FRAS1: variants seen among roughly 807,000 people sequenced by gnomAD.
The protein encoded by FRAS1 is Fraser extracellular matrix complex subunit 1.
A neutral mutation model predicts 435.2 loss-of-function variants in FRAS1; 290 were observed. The ratio of observed to expected loss-of-function variants is 0.67; its 90% CI spans 0.61 to 0.73. The LOEUF (loss-of-function observed/expected upper bound fraction) is 0.73, where lower values mean the gene tolerates loss of function less well. FRAS1 is among the 30% of genes least tolerant of loss of function. The pLI, the probability that FRAS1 is intolerant of heterozygous loss-of-function variation, is 0.00. For missense variants in FRAS1, 4,860 were observed against 5,001.5 expected (o/e 0.97, Z 0.85); for synonymous variants, 1,800 against 1,851.0 (o/e 0.97, Z 0.71).
At chr4:78,455,890 TG>T (rs1719178586) in intron 47 of FRAS1, among the ~76,000 whole-genome samples, 1 of 152,198 alleles carries the variant, frequency 6.6e-6, no homozygotes, top group Non-Finnish European at 1.5e-5. Flanking sequence ...GAAGCTAAGC[TG>T]CTGGACCAAG....
At chr4:78,103,455 G>T (rs1742233535) in intron 2 of FRAS1, among the ~76,000 whole-genome samples, 1 of 152,126 alleles carries the variant, frequency 6.6e-6, no homozygotes, top group African/African-American at 2.4e-5. Context: ...GTGGAGGTAG[G>T]GATCTGGGGA....
intron 2 of FRAS1, among the ~76,000 whole-genome samples, chr4:78,185,773 C>A (rs2110057522): frequency 6.6e-6 from 1 of 152,306 alleles, no homozygotes; most frequent in Non-Finnish European, 1.5e-5. Flanking sequence ...TCTTGAAAAT[C>A]ATCAACCTTG....
At chr4:78,125,792 A>G (rs1054295873) in intron 2 of FRAS1, among the ~76,000 whole-genome samples, 2 of 152,166 alleles carry the variant, frequency 1.3e-5, no homozygotes, top group Non-Finnish European at 2.9e-5. Flanking sequence ...GATGTCTGTC[A>G]GCCCCTACTG....
In FRAS1 at chr4:78,173,603, C is replaced by G. The variant is rs143145427; in HGVS notation, c.109-63907C>G. Among the ~76,000 whole-genome samples the G allele has an allele frequency of 8.5e-4, 129 of 152,324 alleles. No homozygotes were observed. In the Middle Eastern group the frequency reaches 0.01, roughly 12 times the overall value. On this transcript the variant is annotated intron_variant, in intron 2 of 73. Coordinates refer to ENST00000512123, the MANE Select transcript of FRAS1 (RefSeq NM_025074.7). Reference sequence around the variant, plus strand: ...GCATCTTGGAATTGAAACTGAGAAGCAAAATATCTTTTCCAGTTATTTCAT... The same window carrying G: ...GCATCTTGGAATTGAAACTGAGAAGGAAAATATCTTTTCCAGTTATTTCAT...
intron 3 of FRAS1, among the ~76,000 whole-genome samples, chr4:78,243,544 A>G (rs1725100126): frequency 6.6e-6 from 1 of 151,954 alleles, no homozygotes; most frequent in Non-Finnish European, 1.5e-5. Flanking sequence ...AAGCACCCAC[A>G]TGCAAAATTT....
At chr4:78,380,527 C>T (rs1731972369) in intron 27 of FRAS1, among the ~76,000 whole-genome samples, 2 of 152,200 alleles carry the variant, frequency 1.3e-5, no homozygotes, top group African/African-American at 4.8e-5. Flanking sequence ...TTCTGGCTGC[C>T]TTCCCCACCC....
Position 78,282,993 on chromosome 4 carries a change from A to G in FRAS1, c.1255+26A>G, listed in dbSNP as rs149509947. 168 of 1,413,724 alleles carry G rather than the reference A, an allele frequency of 1.2e-4. 1 individual carries two copies. In the Middle Eastern group the frequency reaches 4.9e-3, roughly 41 times the overall value. 87.6% of individuals were successfully genotyped at this position (1,413,724 alleles called of 1,614,324 possible). ...GTGGGTCCATGTCTCCTCTGTTTCT[A>G]CTGAGATAGTTTTACTGCCAAAAAG... On this transcript the variant is annotated intron_variant, in intron 12 of 73. Transcript: ENST00000512123.
chr4:78,249,064 CATATATATAT>C (rs200267733), intron 4 of FRAS1, among the ~76,000 whole-genome samples: 1 of 16,620 alleles, frequency 6.0e-5, no homozygotes, highest in Admixed American at 1.1e-3. Flanking sequence ...TATATATATG[CATATATATAT>C]ATATATATAT....
At chr4:78,117,723 C>A (rs1242070954) in intron 2 of FRAS1, among the ~76,000 whole-genome samples, 1 of 152,214 alleles carries the variant, frequency 6.6e-6, no homozygotes, top group African/African-American at 2.4e-5. Context: ...TCTAGTTAGC[C>A]ATTCATCTAA....
At chr4:78,326,765 A>G (rs1729734438) in intron 18 of FRAS1, among the ~76,000 whole-genome samples, 1 of 152,178 alleles carries the variant, frequency 6.6e-6, no homozygotes, top group African/African-American at 2.4e-5. Context: ...GGAAGCTTCA[A>G]TATTTATGAG....
intron 58 of FRAS1, among the ~76,000 whole-genome samples, chr4:78,484,095 C>G (rs1206105320): frequency 6.6e-6 from 1 of 152,036 alleles, no homozygotes; most frequent in African/African-American, 2.4e-5. Context: ...AATCTGTTTT[C>G]TGGCCCTAAA....
chr4:78,522,683 A>T lies in FRAS1; in HGVS notation c.10683A>T (p.Glu3561Asp), dbSNP rs931605. The change falls in exon 69 of 74, where the codon GAA becomes GAT. Residue 3561 changes from glutamate to aspartate, a missense_variant. Physicochemically the swap from Glu to Asp is conservative, Grantham distance 45. Transcript: ENST00000512123. ...TGATGGAGCATCACACTCTCCCAGA[A>T]GTGAAATCTTTCGTATTGACTCCAG... is the stretch of plus-strand genomic sequence containing the variant. ...QFVMEHHTLPEVKSFVLTPDH... is the reference protein window; with the variant it reads ...QFVMEHHTLPDVKSFVLTPDH... 288,126 of 1,605,288 alleles carry T rather than the reference A, an allele frequency of 0.18. 29,222 individuals carry two copies. The highest frequency in any genetic ancestry group is 0.21 in the Non-Finnish European group (248,049 of 1,174,186).
At chr4:78,327,970 T>C (rs1729786328) in intron 18 of FRAS1, among the ~76,000 whole-genome samples, 1 of 152,240 alleles carries the variant, frequency 6.6e-6, no homozygotes, top group African/African-American at 2.4e-5. Context: ...CAGCGTATTC[T>C]TTTCCCTCTG....
At chr4:78,339,227 G>A (rs959247143) in intron 20 of FRAS1, among the ~76,000 whole-genome samples, 2 of 152,180 alleles carry the variant, frequency 1.3e-5, no homozygotes, top group African/African-American at 2.4e-5. Flanking sequence ...TTTGAGTTTA[G>A]CTACTTATTA....
chr4:78,215,519 CAGTGTTA>C (rs1292466223), intron 2 of FRAS1, among the ~76,000 whole-genome samples: 1 of 152,136 alleles, frequency 6.6e-6, no homozygotes, highest in Non-Finnish European at 1.5e-5. Flanking sequence ...TACAGGTCAG[CAGTGTTA>C]AGTGTATCCA....
intron 18 of FRAS1, among the ~76,000 whole-genome samples, 156 bp from the exon 19 acceptor site, chr4:78,333,116 G>A (rs1730009697): frequency 1.3e-5 from 2 of 152,348 alleles, no homozygotes; most frequent in Middle Eastern, 6.8e-3. Context: ...ACTGCCTTTA[G>A]AGGGAAGTGT....
In FRAS1 at chr4:78,499,762, G is replaced by A. The variant is rs1291051737; in HGVS notation, c.9157G>A (p.Glu3053Lys). Residue 3053 changes from glutamate to lysine, a missense_variant, in exon 61 of 74, where the codon GAA (glutamate) becomes AAA (lysine). Coordinates refer to ENST00000512123, the MANE Select transcript of FRAS1 (RefSeq NM_025074.7). ...TGAAGAAGCTGCATACCAAGTCCGG[G>A]AACCCGCAGGCCCAGATGCCATTGC... is the stretch of plus-strand genomic sequence containing the variant. ...EFEEAAYQVR[E>K]PAGPDAIAIL... The A allele has an allele frequency of 1.9e-6, 3 of 1,613,888 alleles. No individual in the cohort carries two copies. The highest frequency in any genetic ancestry group is 1.3e-5 in the African/African-American group (1 of 75,018).
At chr4:78,178,900 G>A (rs758716332) in intron 2 of FRAS1, among the ~76,000 whole-genome samples, 1 of 152,172 alleles carries the variant, frequency 6.6e-6, no homozygotes. Context: ...GAGGTATAGA[G>A]TAGGTATTCA....
intron 2 of FRAS1, among the ~76,000 whole-genome samples, chr4:78,221,546 C>T (rs1724049886): frequency 6.6e-6 from 1 of 152,164 alleles, no homozygotes; most frequent in South Asian, 2.1e-4. Flanking sequence ...AGTTGGTATG[C>T]CTTAGAAGGG....
Sources: gnomAD v4.1 joint callset for allele counts (sites outside exome capture counted in the v4.1 genomes callset) on GRCh38, gnomAD v4.1.1 for gene constraint, MANE v1.5 for transcripts, NCBI Gene and HGNC (gene_info 2026-07-23, HGNC 2026-07-21) for gene names.